Variants in TLN2 observed in about 807,000 individuals in gnomAD.
The protein encoded by TLN2 is talin-2.
Under a neutral mutation model 294.7 loss-of-function variants are expected in TLN2, and 118 were observed. The ratio of observed to expected loss-of-function variants is 0.40; its 90% confidence interval spans 0.34 to 0.47. The LOEUF is 0.47. Ranked by LOEUF, TLN2 falls within the 20% of genes least tolerant of loss-of-function variation. The pLI is 0.84. For missense variants in TLN2, 3,083 were observed against 3,282.2 expected, an observed-to-expected ratio of 0.94 and a Z score of 1.48; for synonymous variants, 1,431 against 1,304.5, an observed-to-expected ratio of 1.10 and a Z score of -2.09.
At position 62,682,600 on chromosome 15, in the gene TLN2, T is replaced by C. The variant is rs559273140; in HGVS notation, c.958-4041T>C. On this transcript the variant is annotated intron_variant, in intron 11 of 58. Coordinates refer to ENST00000636159, the MANE Select transcript of TLN2 (RefSeq NM_015059.3). ...TTGTTCACCTATAAAATTGTGACTT[T>C]TTATGAGGTTTAAATAAGTTAATAC... Among the ~76,000 whole-genome samples, 44 of 152,326 alleles carry C rather than the reference T, an allele frequency of 2.9e-4. No homozygotes were observed. The South Asian group carries it at 8.9e-3, about 31-fold the overall frequency.
chr15:62,709,880 G>A lies in TLN2; in HGVS notation c.2467+1084G>A, dbSNP rs185873604. On this transcript the variant is annotated intron_variant, in intron 21 of 58. Transcript: ENST00000636159. ...CTCCCAAGTAGCTGGGATTACAGGC[G>A]CCTGCCATGATGCCCGGCTAATTTT... Among the ~76,000 whole-genome samples the A allele has an allele frequency of 1.6e-3, 245 of 152,146 alleles. 1 individual carries two copies. The highest frequency in any genetic ancestry group is 5.5e-3 in the African/African-American group (229 of 41,524).
At chr15:62,582,247 C>CACACACACACACACACA (rs1412650912) in intron 1 of TLN2, among the ~76,000 whole-genome samples, 1 of 103,210 alleles carries the variant, frequency 9.7e-6, no homozygotes, top group African/African-American at 3.6e-5. Flanking sequence ...CACACACACA[C>CACACACACACACACACA]ATTCATGCCT....
intron 24 of TLN2, among the ~76,000 whole-genome samples, chr15:62,718,938 C>A (rs759600102): frequency 6.6e-6 from 1 of 152,054 alleles, no homozygotes; most frequent in Non-Finnish European, 1.5e-5. Flanking sequence ...AACTGGCAGT[C>A]CTAAAGGGGG....
chr15:62,449,052 T>C (rs1305139960), intron 1 of TLN2, among the ~76,000 whole-genome samples: 2 of 152,186 alleles, frequency 1.3e-5, no homozygotes, highest in African/African-American at 4.8e-5. Context: ...TGATAACTGA[T>C]TTTAATATAA....
chr15:62,461,444 T>G (rs1440476282), intron 1 of TLN2, among the ~76,000 whole-genome samples: 1 of 152,242 alleles, frequency 6.6e-6, no homozygotes, highest in Non-Finnish European at 1.5e-5. Context: ...ATGTAGGCAG[T>G]TTCCAGACTC....
At chr15:62,839,511 C>T (rs2141270244) in intron 58 of TLN2, among the ~76,000 whole-genome samples, 1 of 152,362 alleles carries the variant, frequency 6.6e-6, no homozygotes, top group East Asian at 1.9e-4. Flanking sequence ...TGCTTTCCCT[C>T]TCCCAGAACT....
rs2040166984 is a variant in TLN2 at position 62,515,906 on chromosome 15, T to C, written c.-237-73781T>C. Among the ~76,000 whole-genome samples the C allele has an allele frequency of 2.0e-5, 3 of 152,230 alleles. No homozygotes were observed. The South Asian group carries it at 6.2e-4, about 32-fold the overall frequency. On this transcript the variant is annotated intron_variant, in intron 1 of 58. Coordinates refer to ENST00000636159, the MANE Select transcript of TLN2 (RefSeq NM_015059.3). ...CTTGCCCCATAGCAGCTGTGGTTGC[T>C]GGCATGTCCCGCTGTGCAGTAGCTC...
At chr15:62,400,132 A>T (rs2032912757) in intron 1 of TLN2, among the ~76,000 whole-genome samples, 1 of 152,122 alleles carries the variant, frequency 6.6e-6, no homozygotes, top group Non-Finnish European at 1.5e-5. Flanking sequence ...TGGTTTTATG[A>T]GGGGCTTTTC....
At chr15:62,820,439 T>C in intron 53 of TLN2, 47 bp from the exon 54 acceptor site, 1 of 1,600,658 alleles carries the variant, frequency 6.2e-7, no homozygotes, top group Non-Finnish European at 8.5e-7. Flanking sequence ...GCCAGTGCCC[T>C]GAGGTCTGCA....
rs2058799401 is a variant in TLN2, at chr15:62,702,849, T to G, written c.1989T>G (p.Thr663=). Residue 663 remains threonine, a synonymous_variant, in exon 19 of 59, where the codon ACT becomes ACG. Transcript: ENST00000636159. ...DLLRQIGENE[T]DERFQDVLMS... is the part of the protein sequence containing the mutation. ...TGAGACAGATTGGAGAGAATGAGAC[T>G]GATGAGCGATTCCAGGTAAGATATT... 2.5e-6 allele frequency: 4 copies of G among 1,614,166 alleles called. No homozygotes were observed. The highest frequency in any genetic ancestry group is 1.3e-5 in the African/African-American group (1 of 75,062).
chr15:62,465,848 T>C (rs538921792), intron 1 of TLN2, among the ~76,000 whole-genome samples: 1 of 152,354 alleles, frequency 6.6e-6, no homozygotes, highest in Non-Finnish European at 1.5e-5. Context: ...GAACATAGAA[T>C]TGGAAATGAA....
intron 21 of TLN2, among the ~76,000 whole-genome samples, chr15:62,710,256 C>T (rs1804440880): frequency 6.6e-6 from 1 of 151,996 alleles, no homozygotes; most frequent in African/African-American, 2.4e-5. Context: ...AGTTGCTGGG[C>T]CAGTAGGTAG....
chr15:62,543,209 GA>G (rs2041799570), intron 1 of TLN2, among the ~76,000 whole-genome samples: 1 of 152,270 alleles, frequency 6.6e-6, no homozygotes, highest in East Asian at 1.9e-4. Flanking sequence ...CATTCCTCAG[GA>G]AGCCTTTGGT....
At chr15:62,600,585 G>T (rs1365575070) in intron 2 of TLN2, among the ~76,000 whole-genome samples, 8 of 152,120 alleles carry the variant, frequency 5.3e-5, no homozygotes, top group Non-Finnish European at 1.2e-4. Context: ...CCCTCCCACG[G>T]TCATGTGGTC....
chr15:62,774,022 C>T (rs1007778131), intron 42 of TLN2, among the ~76,000 whole-genome samples: 19 of 152,088 alleles, frequency 1.2e-4, no homozygotes, highest in African/African-American at 3.4e-4. Flanking sequence ...ATCCCCACCC[C>T]GCCCAATTCC....
intron 1 of TLN2, among the ~76,000 whole-genome samples, chr15:62,526,328 C>T (rs958200442): frequency 6.6e-6 from 1 of 152,136 alleles, no homozygotes; most frequent in Non-Finnish European, 1.5e-5. Context: ...TGGGTTTTCA[C>T]CATGTTGGCC....
chr15:62,477,405 C>G (rs1384421468), intron 1 of TLN2, among the ~76,000 whole-genome samples: 1 of 152,230 alleles, frequency 6.6e-6, no homozygotes, highest in Admixed American at 6.5e-5. Context: ...TACTGGAGAC[C>G]CTCAGGGTTT....
chr15:62,523,935 T>G (rs1379019715), intron 1 of TLN2, among the ~76,000 whole-genome samples: 5 of 152,222 alleles, frequency 3.3e-5, no homozygotes, highest in Admixed American at 6.5e-5. Flanking sequence ...TGGGAAGAGC[T>G]CAGTCTTGGG....
intron 2 of TLN2, among the ~76,000 whole-genome samples, chr15:62,592,061 G>T (rs963223562): frequency 6.6e-6 from 1 of 152,146 alleles, no homozygotes; most frequent in Admixed American, 6.5e-5. Flanking sequence ...ATGGAAAACT[G>T]TGCTTTCTGT....
Sources: allele counts gnomAD v4.1 joint callset (sites outside exome capture counted in the v4.1 genomes callset), GRCh38; gene constraint gnomAD v4.1.1; transcripts MANE v1.5; gene names NCBI Gene and HGNC (gene_info 2026-07-23, HGNC 2026-07-21).